CHST1: variants seen among roughly 807,000 people sequenced by gnomAD.
The protein encoded by CHST1 is carbohydrate sulfotransferase 1.
CHST1 carries 10 observed loss-of-function variants against 22.5 expected under a neutral mutation model. That is an observed-to-expected ratio of 0.44 (90% CI 0.27 to 0.75). The LOEUF (loss-of-function observed/expected upper bound fraction) is 0.75. CHST1 is among the 30% of genes least tolerant of loss of function. The pLI, the probability that CHST1 is intolerant of heterozygous loss-of-function variation, is 0.15. For missense variants in CHST1, 439 were observed against 576.1 expected, an observed-to-expected ratio of 0.76 and a Z score of 2.44; for synonymous variants, 267 against 264.5, an observed-to-expected ratio of 1.01 and a Z score of -0.09.
chr11:45,650,947 C>CT lies in CHST1; in HGVS notation c.-25dup. The CT allele has an allele frequency of 6.6e-7, 1 of 1,518,976 alleles. No individual in the cohort carries two copies. The allele number at this position is 1,518,976 out of a possible 1,614,324, so 94.1% of individuals were successfully genotyped here. On this transcript the variant is annotated 5_prime_UTR_variant, in exon 4 of 4. Transcript: ENST00000308064. ...ATGGCTGGGCACCTTCATGGGGCTG[C>CT]TTCTCCAAGGGGTGAGGTCTGTGGG... is the stretch of plus-strand genomic sequence containing the variant.
chr11:45,662,746 G>A (rs1321237336), intron 1 of CHST1, among the ~76,000 whole-genome samples: 3 of 152,192 alleles, frequency 2.0e-5, no homozygotes, highest in Non-Finnish European at 4.4e-5. Context: ...ACTGAGGCAG[G>A]GAGAGGTAGC....
rs780012366 is a variant in CHST1 at position 45,650,702 on chromosome 11, G to T, written c.222C>A (p.Ser74=). Residue 74 remains serine, a synonymous_variant, in exon 4 of 4, where the codon TCC becomes TCA. Transcript: ENST00000308064. ...LILATTRSGS[S]FVGQLFNQHL... The stretch of plus-strand genomic sequence containing the variant: ...GCTGGTTGAAGAGCTGGCCCACGAA[G>T]GAGGAGCCACTGCGCGTGGTGGCCA... The T allele has an allele frequency of 6.2e-7, 1 of 1,614,160 alleles. No homozygotes were observed. The highest frequency in any genetic ancestry group is 1.1e-5 in the South Asian group (1 of 91,084).
At chr11:45,663,728 G>C (rs1384043528) in intron 1 of CHST1, among the ~76,000 whole-genome samples, 1 of 151,904 alleles carries the variant, frequency 6.6e-6, no homozygotes, top group African/African-American at 2.4e-5. Flanking sequence ...GCCAGGATGA[G>C]GGACTGGCAA....
At chr11:45,653,002 G>C (rs773177332) in intron 1 of CHST1, among the ~76,000 whole-genome samples, 2 of 152,220 alleles carry the variant, frequency 1.3e-5, no homozygotes, top group Non-Finnish European at 2.9e-5. Context: ...ACGGGGACTG[G>C]GCAGGCAGAT....
At chr11:45,664,986 C>G (rs1852179459) in intron 1 of CHST1, among the ~76,000 whole-genome samples, 192 bp downstream of exon 1, 1 of 152,074 alleles carries the variant, frequency 6.6e-6, no homozygotes, top group Non-Finnish European at 1.5e-5. Context: ...CGCTCACCGG[C>G]CACCAGCCCC....
At chr11:45,663,065 A>G (rs1308688606) in intron 1 of CHST1, among the ~76,000 whole-genome samples, 1 of 152,200 alleles carries the variant, frequency 6.6e-6, no homozygotes, top group East Asian at 1.9e-4. Context: ...GGGCTTCGGG[A>G]CCTTCTCTGA....
In CHST1 at chr11:45,649,630, G is replaced by A. The variant is rs1489194895; in HGVS notation, c.*58C>T. The A allele has an allele frequency of 2.7e-6, 4 of 1,486,676 alleles. No individual in the cohort carries two copies. The highest frequency in any genetic ancestry group is 1.3e-5 in the South Asian group (1 of 74,960). 92.1% of individuals were successfully genotyped at this position (1,486,676 alleles called of 1,614,324 possible). A position where few individuals can be genotyped will look rare whatever the true frequency, so the allele number is the denominator to read the frequency against. ...GGTTAATAAGGCAACAGTTAAAAAC[G>A]GTCCATTTTATCAAAACCGACACCT... On this transcript the variant is annotated 3_prime_UTR_variant, in exon 4 of 4. Coordinates refer to ENST00000308064, the MANE Select transcript of CHST1 (RefSeq NM_003654.6).
rs1224859021 is a variant in CHST1, at chr11:45,661,023, A to C, written c.-227+4155T>G. Among the ~76,000 whole-genome samples the C allele has an allele frequency of 6.6e-5, 10 of 152,396 alleles. No homozygotes were observed. The East Asian group carries it at 1.3e-3, about 21-fold the overall frequency. ...TGTGGCACCGTGGGGATTTATAAAGAACAAATCATGCCTGACAAACTTGAT... is the reference window on the plus strand; with the variant it reads ...TGTGGCACCGTGGGGATTTATAAAGCACAAATCATGCCTGACAAACTTGAT... On this transcript the variant is annotated intron_variant, in intron 1 of 3. Coordinates refer to ENST00000308064, the MANE Select transcript of CHST1 (RefSeq NM_003654.6).
chr11:45,659,439 G>C (rs1039571320), intron 1 of CHST1, among the ~76,000 whole-genome samples: 1 of 152,142 alleles, frequency 6.6e-6, no homozygotes, highest in Admixed American at 6.5e-5. Flanking sequence ...CCCCGACCCA[G>C]ATACTGGTGC....
chr11:45,657,033 C>G (rs779106289), intron 1 of CHST1, among the ~76,000 whole-genome samples: 3 of 152,120 alleles, frequency 2.0e-5, no homozygotes, highest in Non-Finnish European at 4.4e-5. Context: ...AGGGCAAGAA[C>G]CTGAACATCG....
rs1391351469 is a variant in CHST1, at chr11:45,652,571, GTCT to G, written c.-194_-192del. 2.0e-5 allele frequency: 3 copies of G among 152,292 alleles called. No individual in the cohort carries two copies. In the East Asian group the frequency reaches 5.8e-4, roughly 29 times the overall value. The allele number at this position is 152,292 out of a possible 1,614,324, so 9.4% of individuals were successfully genotyped here. On this transcript the variant is annotated 5_prime_UTR_variant, in exon 2 of 4. Transcript: ENST00000308064. Reference sequence around the variant, plus strand: ...CTCCGGGAATGCAGCTGGGGAGAAAGTCTTCTTCCAACCACACCGAAGTGACAC... The same window carrying G: ...CTCCGGGAATGCAGCTGGGGAGAAAGTCTTCCAACCACACCGAAGTGACAC...
Position 45,650,156 on chromosome 11 carries a change from G to C in CHST1, c.768C>G (p.Leu256=). The C allele has an allele frequency of 6.2e-7, 1 of 1,613,574 alleles. No individual in the cohort carries two copies. Residue 256 remains leucine, a synonymous_variant, in exon 4 of 4, where the codon CTC becomes CTG. Transcript: ENST00000308064. ...AGGGTTTCCTCCCGGTGCCGTACCAGAGCCGCCAGAGCCGGTACGTGTCGC... is the reference window on the plus strand; with the variant it reads ...AGGGTTTCCTCCCGGTGCCGTACCACAGCCGCCAGAGCCGGTACGTGTCGC... ...TFRDTYRLWR[L]WYGTGRKPYN... is the part of the protein sequence containing the mutation.
At position 45,650,880 on chromosome 11, in the gene CHST1, G is replaced by A; in HGVS notation, c.44C>T (p.Ser15Phe). ...GATGGCCGTGTACTGGATGGCAATG[G>A]AGGCCAGGGCAAGGAGGAGGACGGC... The part of the protein sequence containing the change: ...WKAVLLLALA[S>F]IAIQYTAIRT... Residue 15 changes from serine to phenylalanine, a missense_variant, in exon 4 of 4, where the codon TCC becomes TTC. Ser to Phe is a radical substitution (Grantham distance 155, BLOSUM62 -2). Coordinates refer to ENST00000308064, the MANE Select transcript of CHST1 (RefSeq NM_003654.6). 6.4e-7 allele frequency: 1 copy of A among 1,561,224 alleles called. No individual in the cohort carries two copies. The highest frequency in any genetic ancestry group is 8.7e-7 in the Non-Finnish European group (1 of 1,152,098).
chr11:45,651,845 AAG>A (rs1852002845), intron 3 of CHST1, 146 bp downstream of exon 3: 1 of 152,300 alleles, frequency 6.6e-6, no homozygotes, highest in African/African-American at 2.4e-5. Flanking sequence ...GAGAAGCAGA[AAG>A]AGCGAATGGG....
intron 1 of CHST1, among the ~76,000 whole-genome samples, chr11:45,657,641 C>T (rs963335923): frequency 2.0e-5 from 3 of 152,220 alleles, no homozygotes; most frequent in Non-Finnish European, 4.4e-5. Flanking sequence ...AGCATCCTTC[C>T]ATGTGAGCAG....
At chr11:45,664,763 A>C (rs547329606) in intron 1 of CHST1, among the ~76,000 whole-genome samples, 35 of 152,306 alleles carry the variant, frequency 2.3e-4, no homozygotes, top group Non-Finnish European at 4.0e-4. Context: ...CTCCGGGTGC[A>C]GCTGGGTTTG....
chr11:45,662,432 C>T lies in CHST1; in HGVS notation c.-227+2746G>A, dbSNP rs570090919. On this transcript the variant is annotated intron_variant, in intron 1 of 3. Coordinates refer to ENST00000308064, the MANE Select transcript of CHST1 (RefSeq NM_003654.6). Reference sequence around the variant, plus strand: ...GGCCCTCAGGAACCTGAAACAAATGCTCCGTAGAAAAAAATGGCTGGCTGC... The same window carrying T: ...GGCCCTCAGGAACCTGAAACAAATGTTCCGTAGAAAAAAATGGCTGGCTGC... Among the ~76,000 whole-genome samples, 11 of 152,298 alleles carry T rather than the reference C, an allele frequency of 7.2e-5. No homozygotes were observed. The South Asian group carries it at 2.3e-3, about 32-fold the overall frequency.
Position 45,649,585 on chromosome 11 carries a change from G to T in CHST1, c.*103C>A, listed in dbSNP as rs1851962615. On this transcript the variant is annotated 3_prime_UTR_variant, in exon 4 of 4. Coordinates refer to ENST00000308064, the MANE Select transcript of CHST1 (RefSeq NM_003654.6). ...GAGCTGGGGGCAGGAAGGACACGAAGATGAGGTGGGAGAGGGAGGGGTTAA... is the reference window on the plus strand; with the variant it reads ...GAGCTGGGGGCAGGAAGGACACGAATATGAGGTGGGAGAGGGAGGGGTTAA... 15 of 1,214,056 alleles carry T rather than the reference G, an allele frequency of 1.2e-5. No homozygotes were observed. The highest frequency in any genetic ancestry group is 1.6e-5 in the Non-Finnish European group (14 of 874,200). 75.2% of individuals were successfully genotyped at this position (1,214,056 alleles called of 1,614,324 possible).
intron 1 of CHST1, among the ~76,000 whole-genome samples, chr11:45,656,063 C>G (rs1852058246): frequency 6.6e-6 from 1 of 152,218 alleles, no homozygotes; most frequent in Non-Finnish European, 1.5e-5. Flanking sequence ...GCGGTGCTGC[C>G]TTCTGCCAAG....
Sources: allele counts gnomAD v4.1 joint callset (sites outside exome capture counted in the v4.1 genomes callset), GRCh38; gene constraint gnomAD v4.1.1; transcripts MANE v1.5; gene names NCBI Gene and HGNC (gene_info 2026-07-23, HGNC 2026-07-21).